The following CPAMD8 variants were observed in gnomAD, a reference collection of about 807,000 sequenced individuals.
CPAMD8 encodes the protein C3 and PZP-like alpha-2-macroglobulin domain-containing protein 8.
Under a neutral mutation model 224.7 loss-of-function variants are expected in CPAMD8, and 146 were observed. The ratio of observed to expected loss-of-function variants is 0.65; its 90% CI spans 0.57 to 0.75. The LOEUF is 0.75. Ranked by LOEUF, CPAMD8 falls within the 30% of genes least tolerant of loss-of-function variation. The pLI, the probability that CPAMD8 is intolerant of heterozygous loss-of-function variation, is 0.00. For synonymous variants in CPAMD8, 966 were observed against 1,044.6 expected, an observed-to-expected ratio of 0.92 and a Z score of 1.45; for missense variants, 2,301 against 2,537.5, an observed-to-expected ratio of 0.91 and a Z score of 2.00.
chr19:17,009,334 A>G lies in CPAMD8; in HGVS notation c.487-14T>C, dbSNP rs766611688. On this transcript the variant is annotated splice_polypyrimidine_tract_variant and intron_variant, in intron 5 of 41. Transcript: ENST00000443236. ...GTAGGCTTCCAGCTGTAATGAAGAC[A>G]CAGATGCAGTGAGCAAATCTTCCAG... 3 of 1,613,954 alleles carry G rather than the reference A, an allele frequency of 1.9e-6. No individual in the cohort carries two copies. The highest frequency in any genetic ancestry group is 2.5e-6 in the Non-Finnish European group (3 of 1,179,956).
At position 17,026,656 on chromosome 19, in the gene CPAMD8, G is replaced by C. The variant is rs1425821220; in HGVS notation, c.-14C>G. ...GGCGCCGCTCATTTTTCGGCTCCTGGGGGGCGCCGCGCCTGGGGAGGGGGC... is the reference window on the plus strand; with the variant it reads ...GGCGCCGCTCATTTTTCGGCTCCTGCGGGGCGCCGCGCCTGGGGAGGGGGC... On this transcript the variant is annotated 5_prime_UTR_variant, in exon 1 of 42. Coordinates refer to ENST00000443236, the MANE Select transcript of CPAMD8 (RefSeq NM_015692.5). 2.9e-6 allele frequency: 4 copies of C among 1,403,136 alleles called. No individual in the cohort carries two copies. Among genetic ancestry groups the C allele is most frequent in the Admixed American group, 3.1e-5 (1 of 32,020 alleles). 86.9% of individuals were successfully genotyped at this position (1,403,136 alleles called of 1,614,324 possible).
At chr19:17,018,548 C>T (rs1207418766) in intron 3 of CPAMD8, among the ~76,000 whole-genome samples, 1 of 152,026 alleles carries the variant, frequency 6.6e-6, no homozygotes, top group African/African-American at 2.4e-5. Flanking sequence ...TACATACAAA[C>T]ATTCTGGCGA....
rs1167594777 is a variant in CPAMD8, at chr19:17,004,337, T to C, written c.609A>G (p.Glu203=). The part of the protein sequence containing the change: ...FPLSDQPVLG[E]WFIFVEMQGH... ...CTTGCATTTCAACAAAAATGAACCA[T>C]TCTCCCAACACAGGCTGGTCGGACA... is the stretch of plus-strand genomic sequence containing the variant. The change falls in exon 8 of 42, where the codon GAA becomes GAG. Residue 203 remains glutamate (E), a synonymous_variant. Coordinates refer to ENST00000443236, the MANE Select transcript of CPAMD8 (RefSeq NM_015692.5). The C allele has an allele frequency of 6.2e-7, 1 of 1,613,760 alleles. No individual in the cohort carries two copies. The highest frequency in any genetic ancestry group is 2.2e-5 in the East Asian group (1 of 44,868).
intron 1 of CPAMD8, among the ~76,000 whole-genome samples, chr19:17,023,259 G>T (rs1296607701): frequency 2.0e-5 from 3 of 152,096 alleles, no homozygotes; most frequent in Non-Finnish European, 4.4e-5. Flanking sequence ...ATAGGAACAT[G>T]CACCAGATCA....
chr19:17,023,305 AG>A (rs1301708646), intron 1 of CPAMD8, among the ~76,000 whole-genome samples: 1 of 152,128 alleles, frequency 6.6e-6, no homozygotes, highest in Non-Finnish European at 1.5e-5. Context: ...AGGTGCCCTT[AG>A]GGGACCTGAC....
In CPAMD8 at chr19:17,005,788, C is replaced by T. The variant is rs543208457; in HGVS notation, c.560-1402G>A. On this transcript the variant is annotated intron_variant, in intron 7 of 41. Transcript: ENST00000443236. Reference sequence around the variant, plus strand: ...TCAGAAGATGTGATGGCTAAAATGGCTTTTTCCCCCTCATATTCAGGCAAA... The same window carrying T: ...TCAGAAGATGTGATGGCTAAAATGGTTTTTTCCCCCTCATATTCAGGCAAA... 4.6e-5 allele frequency among the ~76,000 whole-genome samples: 7 copies of T among 152,168 alleles called. No homozygotes were observed. In the East Asian group the frequency reaches 1.2e-3, roughly 25 times the overall value.
intron 27 of CPAMD8, among the ~76,000 whole-genome samples, chr19:16,916,287 T>C (rs765040006): frequency 1.3e-5 from 2 of 152,062 alleles, no homozygotes; most frequent in Non-Finnish European, 2.9e-5. Flanking sequence ...GTGGTGGGAT[T>C]ATAGGCATAA....
At chr19:17,000,927 G>A (rs113943426) in intron 9 of CPAMD8, among the ~76,000 whole-genome samples, 3,844 of 152,272 alleles carry the variant, frequency 0.025, 108 homozygotes, top group African/African-American at 0.07. Flanking sequence ...CCCAGAGAAT[G>A]GGACTCAAAC....
chr19:16,918,041 G>A (rs996406971), intron 27 of CPAMD8, among the ~76,000 whole-genome samples: 3 of 152,154 alleles, frequency 2.0e-5, no homozygotes, highest in Non-Finnish European at 4.4e-5. Flanking sequence ...TGTTGCCCAG[G>A]CTGGAGTGCA....
At chr19:16,953,315 T>C (rs1341498505) in intron 19 of CPAMD8, among the ~76,000 whole-genome samples, 1 of 145,550 alleles carries the variant, frequency 6.9e-6, no homozygotes, top group African/African-American at 2.6e-5. Context: ...AATGATTTCA[T>C]GGATATGAAA....
intron 17 of CPAMD8, among the ~76,000 whole-genome samples, chr19:16,974,210 C>A (rs1471976295): frequency 1.3e-5 from 2 of 151,914 alleles, no homozygotes; most frequent in Non-Finnish European, 2.9e-5. Flanking sequence ...TGGCTCACTG[C>A]AAGCTCCGCC....
intron 17 of CPAMD8, among the ~76,000 whole-genome samples, chr19:16,971,349 C>T (rs1232315315): frequency 1.3e-4 from 20 of 152,082 alleles, no homozygotes; most frequent in Admixed American, 1.1e-3. Flanking sequence ...TACAGGTGCC[C>T]GTCACCATGG....
At chr19:16,969,515 G>C (rs1184170787) in intron 18 of CPAMD8, among the ~76,000 whole-genome samples, 1 of 152,182 alleles carries the variant, frequency 6.6e-6, no homozygotes, top group East Asian at 1.9e-4. Flanking sequence ...TGATGGTGTT[G>C]AGGTGAAGCT....
intron 18 of CPAMD8, among the ~76,000 whole-genome samples, chr19:16,960,302 C>T (rs1168542331): frequency 6.6e-6 from 1 of 152,298 alleles, no homozygotes; most frequent in African/African-American, 2.4e-5. Flanking sequence ...GAGCAGACCC[C>T]GGAAACACCC....
intron 36 of CPAMD8, among the ~76,000 whole-genome samples, chr19:16,900,873 A>G (rs954675196): frequency 2.6e-5 from 4 of 152,016 alleles, no homozygotes; most frequent in Admixed American, 6.5e-5. Flanking sequence ...TTAGCAGGGC[A>G]TGGTAGTGCA....
chr19:16,983,438 C>A (rs1296899219), intron 13 of CPAMD8, among the ~76,000 whole-genome samples: 1 of 150,908 alleles, frequency 6.6e-6, no homozygotes, highest in Non-Finnish European at 1.5e-5. Context: ...AACAATAAAC[C>A]TATTTTTCTT....
intron 41 of CPAMD8, chr19:16,894,605 G>A (rs1279182132): frequency 2.3e-5 from 9 of 388,200 alleles, no homozygotes; most frequent in African/African-American, 1.7e-4. Flanking sequence ...GCCTGGCACT[G>A]TACAACTCTG....
chr19:17,004,699 G>A (rs2056435945), intron 7 of CPAMD8, among the ~76,000 whole-genome samples: 1 of 152,118 alleles, frequency 6.6e-6, no homozygotes, highest in African/African-American at 2.4e-5. Flanking sequence ...AGCCAGCCCG[G>A]CTCATTCACT....
intron 20 of CPAMD8, 55 bp from the exon 21 acceptor site, chr19:16,947,282 C>A (rs2054137457): frequency 1.9e-6 from 3 of 1,567,522 alleles, no homozygotes; most frequent in Non-Finnish European, 2.6e-6. Flanking sequence ...CCTCCCAGTG[C>A]CTGGAGGCCC....
Sources: gnomAD v4.1 joint callset for allele counts (sites outside exome capture counted in the v4.1 genomes callset) on GRCh38, gnomAD v4.1.1 for gene constraint, MANE v1.5 for transcripts, NCBI Gene and HGNC (gene_info 2026-07-23, HGNC 2026-07-21) for gene names.